The following DLGAP1 variants were observed in gnomAD, a reference collection of about 807,000 sequenced individuals.
The protein encoded by DLGAP1 is DLG associated protein 1.
DLGAP1 carries 11 observed loss-of-function variants against 90.8 expected under a neutral mutation model. That is an observed-to-expected ratio of 0.12 (90% CI 0.08 to 0.20). The LOEUF is 0.20. DLGAP1 is among the 10% of genes least tolerant of loss of function. The pLI is 1.00. For synonymous variants in DLGAP1, 558 were observed against 540.7 expected (o/e 1.03, Z -0.44); for missense variants, 1,050 against 1,333.8 (o/e 0.79, Z 3.31).
chr18:4,407,351 G>C (rs1160718819), intron 1 of DLGAP1, among the ~76,000 whole-genome samples: 1 of 152,138 alleles, frequency 6.6e-6, no homozygotes, highest in Admixed American at 6.5e-5. Flanking sequence ...AATTAAATAA[G>C]TTCTAGCTAG....
chr18:4,299,010 G>A (rs183925162), intron 1 of DLGAP1, among the ~76,000 whole-genome samples: 3 of 150,386 alleles, frequency 2.0e-5, no homozygotes, highest in Admixed American at 2.0e-4. Flanking sequence ...GAACCCGGGA[G>A]GCACAGCTTG....
intron 1 of DLGAP1, among the ~76,000 whole-genome samples, chr18:4,443,026 A>G (rs2083574652): frequency 6.6e-6 from 1 of 152,244 alleles, no homozygotes; most frequent in South Asian, 2.1e-4. Context: ...CCATTCTCCA[A>G]TAGCGGACAT....
intron 1 of DLGAP1, among the ~76,000 whole-genome samples, chr18:4,371,728 T>C (rs1296417590): frequency 1.4e-5 from 2 of 143,042 alleles, no homozygotes; most frequent in Admixed American, 7.5e-5. Flanking sequence ...TATTTGGGAT[T>C]AGTGTGAGGC....
chr18:4,081,276 T>C (rs1023826799), intron 2 of DLGAP1, among the ~76,000 whole-genome samples: 2 of 150,602 alleles, frequency 1.3e-5, no homozygotes, highest in African/African-American at 4.9e-5. Flanking sequence ...GATTGTGCCA[T>C]TGCACTCCAG....
intron 1 of DLGAP1, among the ~76,000 whole-genome samples, chr18:4,272,911 T>C (rs572069634): frequency 4.2e-4 from 64 of 152,204 alleles, no homozygotes; most frequent in African/African-American, 1.5e-3. Flanking sequence ...AGAGAAAACC[T>C]TGTGAAGGCA....
intron 1 of DLGAP1, among the ~76,000 whole-genome samples, chr18:4,445,238 T>G (rs918710672): frequency 6.6e-6 from 1 of 152,026 alleles, no homozygotes; most frequent in Admixed American, 6.6e-5. Context: ...ACTCCCAATA[T>G]CTTTACACTC....
At chr18:3,730,864 C>T (rs1006959671) in intron 6 of DLGAP1, among the ~76,000 whole-genome samples, 1 of 152,162 alleles carries the variant, frequency 6.6e-6, no homozygotes, top group African/African-American at 2.4e-5. Context: ...ATTTTCCAGG[C>T]TAATAACTAT....
intron 1 of DLGAP1, among the ~76,000 whole-genome samples, chr18:4,268,287 T>C (rs981133970): frequency 1.3e-5 from 2 of 152,232 alleles, no homozygotes; most frequent in Non-Finnish European, 2.9e-5. Flanking sequence ...TCAAATTGAC[T>C]GCTATTTTTG....
At chr18:4,194,445 T>C (rs1288363807) in intron 1 of DLGAP1, among the ~76,000 whole-genome samples, 2 of 152,200 alleles carry the variant, frequency 1.3e-5, no homozygotes, top group African/African-American at 4.8e-5. Flanking sequence ...TTATATCGAA[T>C]TGGATTAGTA....
chr18:3,689,790 A>C (rs2060829638), intron 7 of DLGAP1, among the ~76,000 whole-genome samples: 1 of 152,174 alleles, frequency 6.6e-6, no homozygotes, highest in South Asian at 2.1e-4. Context: ...ATTTGTGGTT[A>C]ATTTGGAAAA....
intron 1 of DLGAP1, among the ~76,000 whole-genome samples, chr18:4,181,327 A>G (rs2077203946): frequency 6.6e-6 from 1 of 152,186 alleles, no homozygotes; most frequent in African/African-American, 2.4e-5. Context: ...CTTGCTTTTA[A>G]TTATCATTGA....
intron 2 of DLGAP1, among the ~76,000 whole-genome samples, chr18:4,129,747 T>A (rs2076286068): frequency 6.6e-6 from 1 of 152,256 alleles, no homozygotes; most frequent in Non-Finnish European, 1.5e-5. Context: ...TGGGATTCTG[T>A]CTACAGCTGT....
At chr18:3,751,612 G>A (rs1403424043) in intron 5 of DLGAP1, among the ~76,000 whole-genome samples, 2 of 150,096 alleles carry the variant, frequency 1.3e-5, no homozygotes, top group Non-Finnish European at 3.0e-5. Flanking sequence ...AGGCTGGAGT[G>A]CAGTGGCACG....
At chr18:3,765,821 C>T (rs1350241481) in intron 5 of DLGAP1, among the ~76,000 whole-genome samples, 1 of 151,632 alleles carries the variant, frequency 6.6e-6, no homozygotes, top group Non-Finnish European at 1.5e-5. Flanking sequence ...GCAACAAGAG[C>T]AAAACTCTGT....
At chr18:4,391,504 A>G (rs1015213052) in intron 1 of DLGAP1, among the ~76,000 whole-genome samples, 1 of 152,104 alleles carries the variant, frequency 6.6e-6, no homozygotes, top group African/African-American at 2.4e-5. Context: ...ATTCACCCCA[A>G]TCCATAGCTG....
chr18:4,382,540 G>C (rs1032271438), intron 1 of DLGAP1, among the ~76,000 whole-genome samples: 2 of 143,906 alleles, frequency 1.4e-5, no homozygotes, highest in African/African-American at 2.6e-5. Flanking sequence ...GTTTTGGAAA[G>C]TTCCTTACTC....
intron 4 of DLGAP1, among the ~76,000 whole-genome samples, chr18:3,857,852 A>G (rs2069744897): frequency 6.6e-6 from 1 of 152,120 alleles, no homozygotes; most frequent in African/African-American, 2.4e-5. Context: ...ACAATCATAA[A>G]TCCAGCTGCC....
chr18:3,783,715 G>C (rs1276699826), intron 5 of DLGAP1, among the ~76,000 whole-genome samples: 3 of 152,080 alleles, frequency 2.0e-5, no homozygotes, highest in Non-Finnish European at 4.4e-5. Flanking sequence ...CAGCTGTGAA[G>C]ATACAAAAAA....
chr18:4,162,919 TA>T (rs10558980), intron 1 of DLGAP1, among the ~76,000 whole-genome samples: 14,970 of 126,154 alleles, frequency 0.12, 936 homozygotes, highest in East Asian at 0.37. Flanking sequence ...AGTTTTTTTT[TA>T]AAAAAAAACA....
Sources: allele counts gnomAD v4.1 joint callset (sites outside exome capture counted in the v4.1 genomes callset), GRCh38; gene constraint gnomAD v4.1.1; transcripts MANE v1.5; gene names NCBI Gene and HGNC (gene_info 2026-07-23, HGNC 2026-07-21).